TIAM1: variants seen among roughly 807,000 people sequenced by gnomAD.
TIAM1 encodes TIAM Rac1 associated GEF 1.
TIAM1 carries 65 observed loss-of-function variants against 163.5 expected under a neutral mutation model. That is an observed-to-expected ratio of 0.40 (90% CI 0.33 to 0.49). The LOEUF is 0.49. TIAM1 is among the 20% of genes least tolerant of loss of function. The pLI, the probability that TIAM1 is intolerant of heterozygous loss-of-function variation, is 0.77. For synonymous variants in TIAM1, 833 were observed against 810.1 expected (o/e 1.03, Z -0.48); for missense variants, 1,789 against 2,044.7 (o/e 0.87, Z 2.41).
intron 2 of TIAM1, among the ~76,000 whole-genome samples, chr21:31,410,309 A>AGT (rs921022231): frequency 2.6e-5 from 4 of 151,378 alleles, no homozygotes; most frequent in East Asian, 3.9e-4. Flanking sequence ...GTAATGAGAC[A>AGT]GTGTGTGTGT....
At chr21:31,191,085 T>C (rs957536188) in intron 13 of TIAM1, among the ~76,000 whole-genome samples, 2 of 152,132 alleles carry the variant, frequency 1.3e-5, no homozygotes, top group African/African-American at 2.4e-5. Context: ...TGCTGGAACA[T>C]CAAATGCCAA....
intron 4 of TIAM1, among the ~76,000 whole-genome samples, chr21:31,258,884 G>A (rs915397148): frequency 8.6e-5 from 13 of 151,982 alleles, no homozygotes; most frequent in African/African-American, 3.1e-4. Context: ...CGGTCAACTG[G>A]TGGTCCAAAG....
intron 1 of TIAM1, among the ~76,000 whole-genome samples, chr21:31,491,420 T>C (rs896863118): frequency 2.6e-5 from 4 of 152,184 alleles, no homozygotes; most frequent in African/African-American, 9.7e-5. Context: ...TACAAACATA[T>C]TAAAGCCAAA....
At chr21:31,548,541 T>C (rs1412269084) in intron 1 of TIAM1, among the ~76,000 whole-genome samples, 1 of 147,532 alleles carries the variant, frequency 6.8e-6, no homozygotes, top group African/African-American at 2.5e-5. Context: ...CAGGCTGGAG[T>C]GCAATGGCAC....
intron 1 of TIAM1, among the ~76,000 whole-genome samples, chr21:31,505,059 T>C (rs2046980456): frequency 6.6e-6 from 1 of 152,120 alleles, no homozygotes; most frequent in African/African-American, 2.4e-5. Context: ...ATAAAGGGAC[T>C]TAGGACACAG....
At position 31,146,890 on chromosome 21, in the gene TIAM1, C is replaced by A. The variant is rs766263279; in HGVS notation, c.3475+5G>T. ...CCCCCACCTCCACATCCTCAGAGGC[C>A]TTACCTTTCACCAGGACCTTGGGAA... On this transcript the variant is annotated splice_donor_5th_base_variant and intron_variant, in intron 20 of 27. Transcript: ENST00000541036. 1.1e-5 allele frequency: 17 copies of A among 1,613,568 alleles called. No homozygotes were observed. The South Asian group carries it at 1.8e-4, about 17-fold the overall frequency.
chr21:31,243,100 G>A (rs1470844809), intron 6 of TIAM1, among the ~76,000 whole-genome samples: 1 of 148,954 alleles, frequency 6.7e-6, no homozygotes, highest in African/African-American at 2.5e-5. Context: ...GCTGAGGCAG[G>A]AGAATTGCTT....
At position 31,266,396 on chromosome 21, in the gene TIAM1, A is replaced by T. The variant is rs764814193; in HGVS notation, c.577T>A (p.Leu193Ile). 4.3e-6 allele frequency: 7 copies of T among 1,614,204 alleles called. No individual in the cohort carries two copies. The highest frequency in any genetic ancestry group is 5.9e-6 in the Non-Finnish European group (7 of 1,180,044). ...CCCAAGATTTCTTCGTTGCTTGTTA[A>T]ATGTTCTTGGCTCAGATCAGAGAGT... ...FSLSDLSQEHLTSNEEILGSA... is the reference protein window; with the variant it reads ...FSLSDLSQEHITSNEEILGSA... The change falls in exon 4 of 28, where the codon TTA becomes ATA. Residue 193 changes from leucine (L) to isoleucine (I), a missense_variant. This residue lies in a region of TIAM1 where 555 missense variants were observed against 564.9 expected (regional missense o/e 0.98). Transcript: ENST00000541036.
intron 2 of TIAM1, among the ~76,000 whole-genome samples, chr21:31,286,804 C>G (rs1382738383): frequency 6.6e-6 from 1 of 152,078 alleles, no homozygotes; most frequent in Non-Finnish European, 1.5e-5. Context: ...AAGAGAAGAA[C>G]TGAGGTTGAA....
chr21:31,276,316 T>C (rs901035115), intron 3 of TIAM1, among the ~76,000 whole-genome samples: 2 of 152,246 alleles, frequency 1.3e-5, no homozygotes, highest in Non-Finnish European at 2.9e-5. Context: ...ATCTTTGATT[T>C]TGAAAAGATT....
intron 2 of TIAM1, among the ~76,000 whole-genome samples, chr21:31,387,815 T>C (rs2076901873): frequency 6.6e-6 from 1 of 152,014 alleles, no homozygotes; most frequent in East Asian, 2.0e-4. Context: ...TGTGTGGGTC[T>C]CTCCCAGGCG....
chr21:31,244,552 C>G (rs56076733), intron 6 of TIAM1, among the ~76,000 whole-genome samples: 10,890 of 152,172 alleles, frequency 0.072, 588 homozygotes, highest in East Asian at 0.2. Context: ...TGGTGAAACC[C>G]CGTATCTACT....
At chr21:31,144,985 T>C (rs1444370247) in intron 20 of TIAM1, among the ~76,000 whole-genome samples, 4 of 151,998 alleles carry the variant, frequency 2.6e-5, no homozygotes, top group Non-Finnish European at 5.9e-5. Context: ...TGATTAAAAA[T>C]AACACAAATT....
At chr21:31,122,629 T>C (rs1276436260) in intron 27 of TIAM1, among the ~76,000 whole-genome samples, 2 of 152,058 alleles carry the variant, frequency 1.3e-5, no homozygotes, top group South Asian at 2.1e-4. Context: ...AGAAAATAGA[T>C]AGAACAAAGA....
chr21:31,120,610 A>G lies in TIAM1; in HGVS notation c.4534T>C (p.Cys1512Arg), dbSNP rs1195246075. The G allele has an allele frequency of 7.4e-6, 12 of 1,614,052 alleles. No homozygotes were observed. The highest frequency in any genetic ancestry group is 1.0e-5 in the Non-Finnish European group (12 of 1,180,044). The change falls in exon 28 of 28, where the codon TGT (cysteine) becomes CGT (arginine). Residue 1512 changes from cysteine (C) to arginine (R), a missense_variant. Physicochemically the swap from Cys to Arg is radical, Grantham distance 180 (BLOSUM62 -3). Transcript: ENST00000541036. This position sits in a 1 kb window ranked among gnomAD's most constrained non-coding sequence, Gnocchi z 4.2. ...ACTGAGGCACCCTTCACGGACTCACAGAACTCATCATCGTCACTGAGGATG... is the reference window on the plus strand; with the variant it reads ...ACTGAGGCACCCTTCACGGACTCACGGAACTCATCATCGTCACTGAGGATG... ...TDILSDDDEF[C>R]ESVKGASVDR...
rs147065007 is a variant in TIAM1, at chr21:31,374,379, G to A, written c.-368-34957C>T. 3.4e-3 allele frequency among the ~76,000 whole-genome samples: 510 copies of A among 152,172 alleles called. 3 individuals are homozygous for A. The highest frequency in any genetic ancestry group is 5.1e-3 in the Non-Finnish European group (345 of 68,020). On this transcript the variant is annotated intron_variant, in intron 2 of 28. Transcript: ENST00000286827. ...GACAATTTCTTCCCAAACTTCCTCC[G>A]GCTCCCTTTCCTTCTCCCACCTCAT...
At chr21:31,528,334 C>T (rs2047854431) in intron 1 of TIAM1, among the ~76,000 whole-genome samples, 1 of 151,232 alleles carries the variant, frequency 6.6e-6, no homozygotes, top group Admixed American at 6.6e-5. Context: ...GAGCAACATA[C>T]CAAGACCCTG....
chr21:31,506,316 CT>C (rs147529188), intron 1 of TIAM1, among the ~76,000 whole-genome samples: 1 of 151,656 alleles, frequency 6.6e-6, no homozygotes, highest in African/African-American at 2.4e-5. Context: ...CCTTCCATAT[CT>C]TTTTTTAAGG....
Position 31,143,465 on chromosome 21 carries a change from TAC to T in TIAM1, c.3476-1963_3476-1962del, listed in dbSNP as rs777301327. Among the ~76,000 whole-genome samples the T allele has an allele frequency of 6.4e-4, 96 of 150,652 alleles. 1 individual carries two copies. In the South Asian group the frequency reaches 0.012, roughly 19 times the overall value. On this transcript the variant is annotated intron_variant, in intron 20 of 27. Coordinates refer to ENST00000541036, the MANE Select transcript of TIAM1 (RefSeq NM_001353694.2). ...TATATATAATTTTTATATATATATA[TAC>T]ACACACACACACGTATATTTTATTA... is the stretch of plus-strand genomic sequence containing the variant.
Sources: allele counts gnomAD v4.1 joint callset (sites outside exome capture counted in the v4.1 genomes callset), GRCh38; gene constraint gnomAD v4.1.1; regional missense constraint gnomAD v4.1.1; non-coding constraint Gnocchi (gnomAD v3.1); transcripts MANE v1.5; gene names NCBI Gene and HGNC (gene_info 2026-07-23, HGNC 2026-07-21).